The following RTN4 variants were observed in gnomAD, a reference collection of about 807,000 sequenced individuals.
RTN4 encodes the protein reticulon-4.
Under a neutral mutation model 90.4 loss-of-function variants are expected in RTN4, and 32 were observed. The ratio of observed to expected loss-of-function variants is 0.35; its 90% CI spans 0.27 to 0.48. The LOEUF (loss-of-function observed/expected upper bound fraction) is 0.48, where lower values mean the gene tolerates loss of function less well. Ranked by LOEUF, RTN4 falls within the 20% of genes least tolerant of loss-of-function variation. The pLI is 0.99. For missense variants in RTN4, 1,706 were observed against 1,430.2 expected (o/e 1.19, Z -3.11); for synonymous variants, 629 against 552.5 (o/e 1.14, Z -1.94).
At chr2:55,037,911 T>C (rs1213608437) in intron 1 of RTN4, among the ~76,000 whole-genome samples, 1 of 152,152 alleles carries the variant, frequency 6.6e-6, no homozygotes, top group Admixed American at 6.5e-5. Flanking sequence ...AAAACTACAA[T>C]AATCAAGTAT....
chr2:55,123,008 T>A, the RTN4 span, among the ~76,000 whole-genome samples: 1 of 152,250 alleles, frequency 6.6e-6, no homozygotes, highest in South Asian at 2.1e-4. Context: ...AATCTCTAGT[T>A]TTAAAATTAT....
intron 1 of RTN4, among the ~76,000 whole-genome samples, chr2:55,035,347 T>C (rs1306114298): frequency 6.6e-6 from 1 of 152,142 alleles, no homozygotes; most frequent in Non-Finnish European, 1.5e-5. Flanking sequence ...TCACCTAAAA[T>C]ATCCTCAAAT....
chr2:55,003,652 A>G (rs1202070446), intron 3 of RTN4, among the ~76,000 whole-genome samples: 1 of 152,216 alleles, frequency 6.6e-6, no homozygotes, highest in Non-Finnish European at 1.5e-5. Context: ...TCAGCCCTCT[A>G]TGTCTGCAGG....
chr2:55,101,440 A>C (rs1667851409), intron 1 of RTN4, among the ~76,000 whole-genome samples: 1 of 152,142 alleles, frequency 6.6e-6, no homozygotes, highest in Admixed American at 6.5e-5. Flanking sequence ...AGTTTCTGTA[A>C]AAATTGAAGT....
rs1444550379 is a variant in RTN4 at position 55,010,126 on chromosome 2, G to A, written c.3013+14960C>T. 3 of 1,613,422 alleles carry A rather than the reference G, an allele frequency of 1.9e-6. No homozygotes were observed. In the South Asian group the frequency reaches 3.3e-5, roughly 18 times the overall value. On this transcript the variant is annotated intron_variant, in intron 3 of 8. Coordinates refer to ENST00000337526, the MANE Select transcript of RTN4 (RefSeq NM_020532.5). The stretch of plus-strand genomic sequence containing the variant: ...TTTTTCTTCTGACCGTCCATCTCTT[G>A]TCACGATCTGCTTTGCAGCTCCAAT...
intron 3 of RTN4, among the ~76,000 whole-genome samples, chr2:55,009,894 A>G (rs1007138905): frequency 3.9e-5 from 6 of 152,226 alleles, no homozygotes; most frequent in African/African-American, 1.4e-4. Flanking sequence ...TGCCAGTGAA[A>G]CAGAACAGCA....
rs2105049770 is a variant in RTN4, at chr2:55,095,662, C to T, written c.-213-15023G>A. Among the ~76,000 whole-genome samples, 3 of 152,252 alleles carry T rather than the reference C, an allele frequency of 2.0e-5. No homozygotes were observed. In the Middle Eastern group the frequency reaches 0.01, roughly 518 times the overall value. On this transcript the variant is annotated intron_variant, in intron 1 of 3. Transcript: ENST00000427710. ...CCCTATCTCCCTGCCCCTGACTCCC[C>T]TAAATAGCTGGGACTATAGGCACTC...
Position 55,027,389 on chromosome 2 carries a change from G to A in RTN4, c.710C>T (p.Ser237Phe), listed in dbSNP as rs756374945. Residue 237 changes from serine to phenylalanine, a missense_variant, in exon 3 of 9, where the codon TCT becomes TTT. Transcript: ENST00000337526. ...VLLETAASLP[S>F]LSPLSAASFK... ...AGAAGCGGCTGAGAGAGGAGACAGA[G>A]AAGGAAGAGAAGCAGCAGTTTCAAG... 2.0e-5 allele frequency: 32 copies of A among 1,613,620 alleles called. No homozygotes were observed. The highest frequency in any genetic ancestry group is 6.7e-5 in the African/African-American group (5 of 74,896).
chr2:54,997,633 A>T (rs1162424150), intron 3 of RTN4, among the ~76,000 whole-genome samples: 5 of 152,292 alleles, frequency 3.3e-5, no homozygotes, highest in African/African-American at 9.6e-5. Flanking sequence ...GGATTGTTTT[A>T]AAAAAAGGTA....
intron 2 of RTN4, 80 bp from the exon 3 acceptor site, chr2:55,027,565 T>C (rs1682000592): frequency 1.4e-6 from 2 of 1,413,916 alleles, no homozygotes; most frequent in Admixed American, 2.3e-5. Context: ...AGATCCAAAA[T>C]AGTGTTAGTA....
chr2:55,070,248 C>T (rs1294598448), intron 2 of RTN4, among the ~76,000 whole-genome samples: 1 of 151,980 alleles, frequency 6.6e-6, no homozygotes, highest in Non-Finnish European at 1.5e-5. Context: ...ACACCCTTCC[C>T]CAAATCCTCC....
At chr2:55,007,633 A>G (rs1680325683) in intron 3 of RTN4, among the ~76,000 whole-genome samples, 1 of 152,098 alleles carries the variant, frequency 6.6e-6, no homozygotes, top group Admixed American at 6.6e-5. Flanking sequence ...TTGCCCAACA[A>G]TATGAATTAC....
chr2:55,054,870 A>G (rs1252662471), upstream of RTN4, among the ~76,000 whole-genome samples: 3 of 152,164 alleles, frequency 2.0e-5, no homozygotes, highest in Non-Finnish European at 4.4e-5. Flanking sequence ...GGGATTTTAG[A>G]TTTTATGAAA....
intron 2 of RTN4, among the ~76,000 whole-genome samples, chr2:55,063,952 G>C (rs1241361089): frequency 6.6e-6 from 1 of 152,060 alleles, no homozygotes; most frequent in African/African-American, 2.4e-5. Context: ...CAAGCGCAGT[G>C]GCTCACACCT....
chr2:55,027,849 A>T (rs1341737548), intron 2 of RTN4, among the ~76,000 whole-genome samples: 3 of 152,178 alleles, frequency 2.0e-5, no homozygotes, highest in African/African-American at 7.2e-5. Flanking sequence ...GGTAAATGCC[A>T]TAGACTGGTA....
At chr2:55,101,318 T>C (rs934658597) in intron 1 of RTN4, among the ~76,000 whole-genome samples, 10 of 152,144 alleles carry the variant, frequency 6.6e-5, no homozygotes, top group South Asian at 2.1e-4. Context: ...TTTTTGAAAA[T>C]CAATGTTGTT....
At chr2:54,998,509 T>A (rs1679620629) in intron 3 of RTN4, among the ~76,000 whole-genome samples, 3 of 152,202 alleles carry the variant, frequency 2.0e-5, no homozygotes, top group African/African-American at 7.2e-5. Context: ...TTAACATTTA[T>A]TTTATTTACA....
At chr2:54,973,227 C>A (rs1424524381) in intron 8 of RTN4, 29 bp from the exon 9 acceptor site, 2 of 1,578,784 alleles carry the variant, frequency 1.3e-6, no homozygotes, top group Non-Finnish European at 1.7e-6. Context: ...ATGTAAATAT[C>A]AGTTTTGTTT....
At chr2:55,084,992 T>C (rs889596625) in intron 1 of RTN4, among the ~76,000 whole-genome samples, 5 of 152,212 alleles carry the variant, frequency 3.3e-5, no homozygotes, top group African/African-American at 9.6e-5. Context: ...GATCTTACTA[T>C]GTTGCCCAGG....
Sources: allele counts gnomAD v4.1 joint callset (sites outside exome capture counted in the v4.1 genomes callset), GRCh38; gene constraint gnomAD v4.1.1; transcripts MANE v1.5; gene names NCBI Gene and HGNC (gene_info 2026-07-23, HGNC 2026-07-21).